The following TENM2 variants were observed in gnomAD, a reference collection of about 807,000 sequenced individuals.
TENM2 encodes teneurin transmembrane protein 2.
A neutral mutation model predicts 245.2 loss-of-function variants in TENM2; 52 were observed. The observed-to-expected ratio is 0.21, with a 90% confidence interval of 0.17 to 0.27. TENM2 has a LOEUF of 0.27. TENM2 is among the 10% of genes least tolerant of loss of function. The probability of loss-of-function intolerance (pLI) is 1.00; values close to 1 mark genes in which losing one functional copy is unlikely to be tolerated. For missense variants in TENM2, 3,046 were observed against 3,666.8 expected, an observed-to-expected ratio of 0.83 and a Z score of 4.37; for synonymous variants, 1,363 against 1,438.9, an observed-to-expected ratio of 0.95 and a Z score of 1.19.
intron 1 of TENM2, among the ~76,000 whole-genome samples, chr5:167,342,091 C>T (rs1202818288): frequency 2.0e-5 from 3 of 152,112 alleles, no homozygotes; most frequent in South Asian, 2.1e-4. Flanking sequence ...TATGGTGTCA[C>T]GATTAATAAA....
chr5:167,969,050 A>AGACATAATCATCTCTG (rs1348949031), intron 4 of TENM2, among the ~76,000 whole-genome samples: 3 of 152,202 alleles, frequency 2.0e-5, no homozygotes, highest in Non-Finnish European at 4.4e-5. Flanking sequence ...CTTTGTTTTT[A>AGACATAATCATCTCTG]GACATAATCA....
chr5:167,229,375 G>T, the TENM2 span, among the ~76,000 whole-genome samples: 5 of 152,202 alleles, frequency 3.3e-5, no homozygotes, highest in African/African-American at 1.2e-4. Flanking sequence ...GCTTGCTCAG[G>T]TGACAGGAAT....
chr5:166,995,702 G>A, the TENM2 span, among the ~76,000 whole-genome samples: 9 of 149,970 alleles, frequency 6.0e-5, no homozygotes, highest in African/African-American at 2.2e-4. Context: ...TATAATCCCA[G>A]CTACTCGGGA....
intron 12 of TENM2, among the ~76,000 whole-genome samples, chr5:168,150,858 G>C (rs929699628): frequency 1.3e-5 from 2 of 152,034 alleles, no homozygotes; most frequent in African/African-American, 4.8e-5. Flanking sequence ...TATGACCCTG[G>C]GAAAGTTAAT....
At chr5:167,747,838 A>G (rs1200410655) in intron 2 of TENM2, among the ~76,000 whole-genome samples, 1 of 152,058 alleles carries the variant, frequency 6.6e-6, no homozygotes, top group Non-Finnish European at 1.5e-5. Flanking sequence ...TCCTATTCTT[A>G]TCTCTGTTTT....
At chr5:168,249,057 T>C (rs1487521640) in intron 27 of TENM2, among the ~76,000 whole-genome samples, 2 of 151,496 alleles carry the variant, frequency 1.3e-5, no homozygotes, top group Non-Finnish European at 2.9e-5. Context: ...AAAGCAGAGG[T>C]TGCAGTGAGT....
At chr5:167,769,601 T>G (rs1477166065) in intron 2 of TENM2, among the ~76,000 whole-genome samples, 2 of 152,152 alleles carry the variant, frequency 1.3e-5, no homozygotes. Context: ...AGTAGAAAAT[T>G]GTTATTGGTG....
intron 2 of TENM2, among the ~76,000 whole-genome samples, chr5:167,862,628 G>A (rs570569013): frequency 6.6e-6 from 1 of 152,288 alleles, no homozygotes; most frequent in East Asian, 1.9e-4. Flanking sequence ...TTGATGCATA[G>A]TTTTCCCCGG....
chr5:167,278,056 C>T, the TENM2 span, among the ~76,000 whole-genome samples: 1 of 152,066 alleles, frequency 6.6e-6, no homozygotes, highest in Non-Finnish European at 1.5e-5. Flanking sequence ...GTAATCCCAG[C>T]ACTTTGGGAG....
chr5:168,169,770 T>C (rs564630175), intron 13 of TENM2, among the ~76,000 whole-genome samples: 1 of 152,316 alleles, frequency 6.6e-6, no homozygotes, highest in African/African-American at 2.4e-5. Context: ...AATGCCTTGA[T>C]TAATGTATCC....
the TENM2 span, among the ~76,000 whole-genome samples, chr5:167,010,483 G>A: frequency 6.6e-6 from 1 of 152,154 alleles, no homozygotes; most frequent in Non-Finnish European, 1.5e-5. Context: ...CAGCCTCTTG[G>A]GTATGTGAAC....
intron 2 of TENM2, among the ~76,000 whole-genome samples, chr5:167,744,816 CAAACAAACA>C (rs1164856639): frequency 1.4e-4 from 21 of 150,866 alleles, no homozygotes; most frequent in African/African-American, 4.9e-4. Flanking sequence ...ACAAAACAAA[CAAACAAACA>C]AAACAAAACA....
At chr5:167,630,011 T>G (rs1778760316) in intron 2 of TENM2, among the ~76,000 whole-genome samples, 1 of 152,106 alleles carries the variant, frequency 6.6e-6, no homozygotes, top group Admixed American at 6.6e-5. Context: ...TTTCAAGACT[T>G]CCAGTGGGTG....
the TENM2 span, among the ~76,000 whole-genome samples, chr5:167,033,248 T>A: frequency 2.6e-5 from 4 of 152,228 alleles, no homozygotes; most frequent in Non-Finnish European, 5.9e-5. Flanking sequence ...ATTCGTGCTA[T>A]TTTTTGGAGA....
In TENM2 at chr5:168,228,858, T is replaced by TATTA. The variant is rs1764525609; in HGVS notation, c.5520+729_5520+732dup. Among the ~76,000 whole-genome samples, 7 of 148,402 alleles carry TATTA rather than the reference T, an allele frequency of 4.7e-5. No homozygotes were observed. The South Asian group carries it at 1.3e-3, about 27-fold the overall frequency. On this transcript the variant is annotated intron_variant, in intron 25 of 28. Transcript: ENST00000518659. ...AACCAATATATAACATTAATTATAT[T>TATTA]ATTATTATAATTATTATATAATGTA...
chr5:168,082,130 C>G (rs751229703), intron 7 of TENM2, among the ~76,000 whole-genome samples: 15 of 152,276 alleles, frequency 9.9e-5, no homozygotes, highest in East Asian at 3.9e-4. Flanking sequence ...TTGTTTGTTT[C>G]TTTTTACTCT....
intron 12 of TENM2, among the ~76,000 whole-genome samples, chr5:168,139,228 T>A (rs745391644): frequency 2.8e-4 from 43 of 152,250 alleles, no homozygotes; most frequent in Non-Finnish European, 4.4e-4. Context: ...TCTTCCACAA[T>A]GGAGGAAACT....
At chr5:167,258,473 C>T in the TENM2 span, among the ~76,000 whole-genome samples, 1 of 152,044 alleles carries the variant, frequency 6.6e-6, no homozygotes, top group Non-Finnish European at 1.5e-5. Context: ...TTGTGGTCCC[C>T]ATACCCTGGT....
chr5:167,503,062 G>A (rs1436384435), intron 2 of TENM2, among the ~76,000 whole-genome samples: 2 of 151,994 alleles, frequency 1.3e-5, no homozygotes, highest in Admixed American at 6.6e-5. Flanking sequence ...CTTGACCTCA[G>A]GTGATCCACC....
Sources: gnomAD v4.1 joint callset for allele counts (sites outside exome capture counted in the v4.1 genomes callset) on GRCh38, gnomAD v4.1.1 for gene constraint, MANE v1.5 for transcripts, NCBI Gene and HGNC (gene_info 2026-07-23, HGNC 2026-07-21) for gene names.